Variants in LARGE1 observed in about 807,000 individuals in gnomAD.
LARGE1 encodes the protein xylosyl- and glucuronyltransferase LARGE1.
In LARGE1, 43 loss-of-function variants were observed where a neutral mutation model predicts 87.6. That is an observed-to-expected ratio of 0.49 (90% CI 0.38 to 0.63). LARGE1 has a LOEUF of 0.63. Ranked by LOEUF, LARGE1 falls within the 30% of genes least tolerant of loss-of-function variation. The pLI is 0.00. For synonymous variants in LARGE1, 434 were observed against 394.6 expected, an observed-to-expected ratio of 1.10 and a Z score of -1.18; for missense variants, 802 against 1,000.2, an observed-to-expected ratio of 0.80 and a Z score of 2.67.
At chr22:33,298,609 GC>G (rs1158137951) in intron 12 of LARGE1, among the ~76,000 whole-genome samples, 2 of 152,200 alleles carry the variant, frequency 1.3e-5, no homozygotes, top group Non-Finnish European at 2.9e-5. Context: ...CACTGCTTGA[GC>G]CCAGGAGTTT....
intron 9 of LARGE1, among the ~76,000 whole-genome samples, chr22:33,363,483 T>G (rs2064461641): frequency 6.7e-6 from 1 of 149,104 alleles, no homozygotes; most frequent in Non-Finnish European, 1.5e-5. Context: ...ACAAGAACAG[T>G]ATGGGGAAAA....
At chr22:33,418,969 G>T (rs956523513) in intron 7 of LARGE1, among the ~76,000 whole-genome samples, 1 of 152,148 alleles carries the variant, frequency 6.6e-6, no homozygotes, top group African/African-American at 2.4e-5. Flanking sequence ...AACACCTGAA[G>T]AATCCCATTG....
chr22:33,562,231 T>C (rs576837876), intron 6 of LARGE1, among the ~76,000 whole-genome samples: 17 of 152,316 alleles, frequency 1.1e-4, no homozygotes, highest in East Asian at 5.8e-4. Flanking sequence ...TAGGGACATA[T>C]GGAGAAGAGA....
intron 11 of LARGE1, among the ~76,000 whole-genome samples, chr22:33,203,025 A>G (rs752700205): frequency 1.3e-5 from 2 of 151,814 alleles, no homozygotes; most frequent in Admixed American, 6.6e-5. Flanking sequence ...ATATCTCTGA[A>G]GTTTGACAGG....
chr22:33,361,939 C>G lies in LARGE1; in HGVS notation c.1131+19980G>C, dbSNP rs144339254. On this transcript the variant is annotated intron_variant, in intron 9 of 14. Coordinates refer to ENST00000397394, the MANE Select transcript of LARGE1 (RefSeq NM_133642.5). The stretch of plus-strand genomic sequence containing the variant: ...CCCCTAGAGAGACCCATTGGTAGAC[C>G]CTCTGCTTTCCCTTTCCTGGTCATT... Among the ~76,000 whole-genome samples the G allele has an allele frequency of 5.1e-3, 761 of 149,402 alleles. 38 individuals are homozygous for G. Among genetic ancestry groups the G allele is most frequent in the African/African-American group, 0.018 (721 of 40,648 alleles).
intron 1 of LARGE1, among the ~76,000 whole-genome samples, chr22:33,842,688 A>G (rs2063314213): frequency 1.3e-5 from 2 of 152,192 alleles, no homozygotes; most frequent in Admixed American, 6.5e-5. Context: ...GTCATGATGT[A>G]TATTTTCTAC....
At chr22:33,311,884 G>A (rs188596958) in intron 11 of LARGE1, among the ~76,000 whole-genome samples, 84 of 152,268 alleles carry the variant, frequency 5.5e-4, no homozygotes, top group Non-Finnish European at 1.0e-4. Flanking sequence ...TATAGAAGGA[G>A]GAAACGGAAA....
At chr22:33,833,742 C>T (rs957204937) in intron 1 of LARGE1, among the ~76,000 whole-genome samples, 1 of 152,098 alleles carries the variant, frequency 6.6e-6, no homozygotes, top group Non-Finnish European at 1.5e-5. Context: ...GGCTGGAGTG[C>T]AATGGCGTGA....
chr22:33,239,510 G>A (rs1279226134), intron 11 of LARGE1, among the ~76,000 whole-genome samples: 2 of 147,956 alleles, frequency 1.4e-5, no homozygotes, highest in South Asian at 2.2e-4. Flanking sequence ...TCTTTTGTAC[G>A]CCTTACTATT....
intron 9 of LARGE1, among the ~76,000 whole-genome samples, chr22:33,354,938 T>A (rs1260358929): frequency 6.6e-6 from 1 of 152,194 alleles, no homozygotes. Context: ...ATACTTATGT[T>A]TTTCATAAGA....
intron 11 of LARGE1, among the ~76,000 whole-genome samples, chr22:33,224,301 G>A (rs1568979982): frequency 8.9e-6 from 1 of 112,662 alleles, no homozygotes; most frequent in Non-Finnish European, 1.8e-5. Context: ...AAAAAAAGAA[G>A]GTGCTCAAAA....
intron 3 of LARGE1, among the ~76,000 whole-genome samples, chr22:33,631,423 T>A (rs1257891545): frequency 6.6e-6 from 1 of 152,244 alleles, no homozygotes; most frequent in Admixed American, 6.5e-5. Context: ...TCTTATTCTA[T>A]ACGCATTTTT....
chr22:33,278,866 C>A (rs899993601), intron 13 of LARGE1, among the ~76,000 whole-genome samples: 7 of 152,098 alleles, frequency 4.6e-5, no homozygotes, highest in African/African-American at 1.7e-4. Flanking sequence ...ACTACAGGCA[C>A]GCATCACCAC....
At chr22:33,779,041 T>C (rs2085336430) in intron 1 of LARGE1, among the ~76,000 whole-genome samples, 1 of 152,248 alleles carries the variant, frequency 6.6e-6, no homozygotes, top group Non-Finnish European at 1.5e-5. Flanking sequence ...ATATTTGGCA[T>C]GCTTTTACTT....
intron 11 of LARGE1, among the ~76,000 whole-genome samples, chr22:33,257,706 G>C (rs1927389140): frequency 6.6e-6 from 1 of 152,160 alleles, no homozygotes; most frequent in African/African-American, 2.4e-5. Context: ...TCAGAGAGGG[G>C]AATAAGTTGC....
At chr22:33,246,261 C>T (rs1283492419) in intron 11 of LARGE1, among the ~76,000 whole-genome samples, 1 of 152,170 alleles carries the variant, frequency 6.6e-6, no homozygotes. Context: ...TTGCTGAAAA[C>T]CCCACCATAC....
At chr22:33,510,797 G>A (rs1176016465) in intron 6 of LARGE1, among the ~76,000 whole-genome samples, 2 of 152,148 alleles carry the variant, frequency 1.3e-5, no homozygotes, top group African/African-American at 4.8e-5. Flanking sequence ...ATGTTGCCCA[G>A]GCTGGTCTTG....
intron 1 of LARGE1, among the ~76,000 whole-genome samples, chr22:33,845,294 C>A (rs1410234563): frequency 2.0e-5 from 3 of 151,944 alleles, no homozygotes; most frequent in Non-Finnish European, 4.4e-5. Context: ...TATAATGGAT[C>A]TTATTTATTT....
intron 4 of LARGE1, among the ~76,000 whole-genome samples, chr22:33,621,139 A>G (rs960462491): frequency 6.6e-6 from 1 of 152,218 alleles, no homozygotes; most frequent in Non-Finnish European, 1.5e-5. Flanking sequence ...ATGGTATGCC[A>G]TACTTTTCAA....
Sources: allele counts gnomAD v4.1 joint callset (sites outside exome capture counted in the v4.1 genomes callset), GRCh38; gene constraint gnomAD v4.1.1; transcripts MANE v1.5; gene names NCBI Gene and HGNC (gene_info 2026-07-23, HGNC 2026-07-21).